Variants in GSG1 observed in about 807,000 individuals in gnomAD.
The protein encoded by GSG1 is germ cell-specific gene 1 protein.
GSG1 carries 28 observed loss-of-function variants against 30.8 expected under a neutral mutation model. That is an observed-to-expected ratio of 0.91 (90% CI 0.67 to 1.25). The LOEUF is 1.25. Among genes scored for constraint, GSG1 ranks in the 50% most tolerant of loss-of-function variants. The pLI, the probability that GSG1 is intolerant of heterozygous loss-of-function variation, is 0.00. For missense variants in GSG1, 435 were observed against 444.7 expected (o/e 0.98, Z 0.20); for synonymous variants, 162 against 178.0 (o/e 0.91, Z 0.71).
At position 13,083,756 on chromosome 12, in the gene GSG1, T is replaced by G. The variant is rs1419058253; in HGVS notation, c.*1145A>C. 1.4e-5 allele frequency: 2 copies of G among 142,330 alleles called. No homozygotes were observed. Among genetic ancestry groups the G allele is most frequent in the Non-Finnish European group, 3.0e-5 (2 of 66,528 alleles). The allele number at this position is 142,330 out of a possible 1,614,324, so 8.8% of individuals were successfully genotyped here. A position where few individuals can be genotyped will look rare whatever the true frequency, so the allele number is the denominator to read the frequency against. ...GTGTCCAAGTGTTTTTATTGTTCAA[T>G]TCCCACCTGTGAGTGAGAATATGCA... On this transcript the variant is annotated 3_prime_UTR_variant, in exon 7 of 7. Coordinates refer to ENST00000651961, the MANE Select transcript of GSG1 (RefSeq NM_001080555.4).
chr12:13,098,977 G>T (rs1025811046), intron 1 of GSG1, among the ~76,000 whole-genome samples: 3 of 152,126 alleles, frequency 2.0e-5, no homozygotes, highest in Non-Finnish European at 2.9e-5. Context: ...ACTTGTAATT[G>T]TGTACTCTTT....
chr12:13,095,754 G>C, intron 1 of GSG1: 1 of 1,541,318 alleles, frequency 6.5e-7, no homozygotes. Context: ...ATATTCTTTG[G>C]AGTGCCTCAT....
In GSG1 at chr12:13,090,517, G is replaced by GT. The variant is rs1565534279; in HGVS notation, c.349dup (p.Thr117AsnfsTer17). 1.8e-5 allele frequency: 29 copies of GT among 1,609,626 alleles called. No individual in the cohort carries two copies. Among genetic ancestry groups the GT allele is most frequent in the Non-Finnish European group, 2.5e-5 (29 of 1,176,436 alleles). The stretch of plus-strand genomic sequence containing the variant: ...ATGTAGGCTACCTGGTTCTTCCACA[G>GT]TTTCCTCACAGGATAGCCACATGCC... On this transcript the variant is annotated frameshift_variant, in exon 2 of 7. Coordinates refer to ENST00000651961, the MANE Select transcript of GSG1 (RefSeq NM_001080555.4). LOFTEE classifies it high-confidence loss of function.
intron 1 of GSG1, among the ~76,000 whole-genome samples, chr12:13,098,301 A>G (rs1862888875): frequency 6.6e-6 from 1 of 150,892 alleles, no homozygotes; most frequent in African/African-American, 2.4e-5. Flanking sequence ...TCCCCATAGG[A>G]TCCTTTTATT....
chr12:13,089,401 G>A, intron 2 of GSG1, 125 bp from the exon 3 acceptor site: 1 of 1,494,100 alleles, frequency 6.7e-7, no homozygotes, highest in African/African-American at 1.4e-5. Flanking sequence ...CTGGGCATTA[G>A]AAGAACTTTA....
intron 1 of GSG1, 56 bp from the exon 2 acceptor site, chr12:13,090,874 C>T: frequency 6.8e-7 from 1 of 1,469,660 alleles, no homozygotes; most frequent in South Asian, 1.3e-5. Context: ...TGACTCAGAG[C>T]CGCCTCGGAG....
intron 1 of GSG1, among the ~76,000 whole-genome samples, chr12:13,094,607 G>C (rs2120860425): frequency 6.6e-6 from 1 of 152,288 alleles, no homozygotes; most frequent in East Asian, 1.9e-4. Flanking sequence ...TTCTCTTACT[G>C]TGAGTCATCC....
At chr12:13,088,993 G>C (rs1565530308) in intron 3 of GSG1, 84 bp from the exon 4 acceptor site, 1 of 1,499,930 alleles carries the variant, frequency 6.7e-7, no homozygotes, top group Non-Finnish European at 9.2e-7. Context: ...AACTGGTACT[G>C]CTCCCTCTGC....
rs368058721 is a variant in GSG1, at chr12:13,088,954, G to T, written c.434-45C>A. 81 of 1,606,978 alleles carry T rather than the reference G, an allele frequency of 5.0e-5. No homozygotes were observed. The African/African-American group carries it at 9.2e-4, about 18-fold the overall frequency. ...ACGTCATGGAGCTACTCCCTGGGATGGTTGGAATGAAAACCTTCCCCACCC... is the reference window on the plus strand; with the variant it reads ...ACGTCATGGAGCTACTCCCTGGGATTGTTGGAATGAAAACCTTCCCCACCC... On this transcript the variant is annotated intron_variant, in intron 3 of 6. Coordinates refer to ENST00000651961, the MANE Select transcript of GSG1 (RefSeq NM_001080555.4).
chr12:13,084,982 C>T lies in GSG1; in HGVS notation c.1008G>A (p.Leu336=). 6.4e-7 allele frequency: 1 copy of T among 1,552,538 alleles called. No homozygotes were observed. Among genetic ancestry groups the T allele is most frequent in the Non-Finnish European group, 8.7e-7 (1 of 1,147,336 alleles). The change falls in exon 7 of 7, where the codon CTG becomes CTA. Residue 336 remains leucine (L), a synonymous_variant. Coordinates refer to ENST00000651961, the MANE Select transcript of GSG1 (RefSeq NM_001080555.4). Reference sequence around the variant, plus strand: ...CCCCTCTTTGAAATCCCTTGTTCCGCAGCTCGGAGTAGAAGTCGACTCCCT... The same window carrying T: ...CCCCTCTTTGAAATCCCTTGTTCCGTAGCTCGGAGTAGAAGTCGACTCCCT... ...VSEGVDFYSE[L]RNKGFQRGAS...
chr12:13,088,742 C>T lies in GSG1; in HGVS notation c.481+120G>A, dbSNP rs554588973. ...AATTCCTTATCAGACACATACTTGC[C>T]ACAAAGCCCCAAGGGAGGGGAGGGG... On this transcript the variant is annotated intron_variant, in intron 4 of 6. Transcript: ENST00000651961. 2.5e-6 allele frequency: 4 copies of T among 1,612,480 alleles called. No individual in the cohort carries two copies. In the African/African-American group the frequency reaches 4.0e-5, roughly 16 times the overall value.
intron 5 of GSG1, 147 bp from the exon 6 acceptor site, chr12:13,087,410 C>T (rs1008981883): frequency 3.4e-5 from 21 of 613,064 alleles, no homozygotes; most frequent in Non-Finnish European, 4.7e-5. Context: ...TTCCCGAAGA[C>T]TAATTCACAA....
In GSG1 at chr12:13,100,131, CTA is replaced by C. The variant is rs1863088375; in HGVS notation, c.48+3332_48+3333del. On this transcript the variant is annotated intron_variant, in intron 1 of 6. Transcript: ENST00000651961. ...TCAGAGCCTAGCAGTGTTTTAACAT[CTA>C]TGAATGAATGAATGAATGAATGAAT... 9.5e-4 allele frequency among the ~76,000 whole-genome samples: 122 copies of C among 127,898 alleles called. 1 individual carries two copies. In the Admixed American group the frequency reaches 9.9e-3, roughly 10 times the overall value. The allele number at this position is 127,898 out of a possible 152,430, so 83.9% of individuals were successfully genotyped here. A position where few individuals can be genotyped will look rare whatever the true frequency, so the allele number is the denominator to read the frequency against.
chr12:13,087,484 A>G (rs1462255284), intron 5 of GSG1, among the ~76,000 whole-genome samples: 1 of 152,150 alleles, frequency 6.6e-6, no homozygotes, highest in Non-Finnish European at 1.5e-5. Context: ...GCTGAGAGCT[A>G]TGGAAAAAGT....
chr12:13,097,650 A>T (rs755688649), intron 1 of GSG1, among the ~76,000 whole-genome samples: 35 of 152,298 alleles, frequency 2.3e-4, no homozygotes, highest in South Asian at 1.9e-3. Flanking sequence ...AAGTTTGGAA[A>T]ATATGCCGAT....
chr12:13,088,984 A>T (rs1865827049), intron 3 of GSG1, 75 bp from the exon 4 acceptor site: 3 of 1,544,458 alleles, frequency 1.9e-6, no homozygotes, highest in Non-Finnish European at 2.7e-6. Context: ...CCACCCCATA[A>T]CTGGTACTGC....
chr12:13,088,449 AAATAAT>A (rs1178928589), intron 4 of GSG1, among the ~76,000 whole-genome samples: 2 of 152,054 alleles, frequency 1.3e-5, no homozygotes, highest in Admixed American at 1.3e-4. Flanking sequence ...TCATTTTACC[AAATAAT>A]AATAATAATA....
At chr12:13,095,861 A>G (rs1451084788) in intron 1 of GSG1, 16 of 1,301,506 alleles carry the variant, frequency 1.2e-5, no homozygotes, top group South Asian at 3.2e-5. Context: ...GAGCTTGCCA[A>G]TGGGGATCTG....
intron 1 of GSG1, chr12:13,095,859 C>A: frequency 7.7e-7 from 1 of 1,300,414 alleles, no homozygotes; most frequent in African/African-American, 1.5e-5. Context: ...GAGAGCTTGC[C>A]AATGGGGATC....
Sources: gnomAD v4.1 joint callset for allele counts (sites outside exome capture counted in the v4.1 genomes callset) on GRCh38, gnomAD v4.1.1 for gene constraint, MANE v1.5 for transcripts, NCBI Gene and HGNC (gene_info 2026-07-23, HGNC 2026-07-21) for gene names.